Variants in MAN1C1 observed in about 807,000 individuals in gnomAD.
The protein encoded by MAN1C1 is mannosidase alpha class 1C member 1.
Under a neutral mutation model 71.5 loss-of-function variants are expected in MAN1C1, and 49 were observed. The observed-to-expected ratio is 0.69, with a 90% CI of 0.54 to 0.87. The LOEUF is 0.87. Among genes scored for constraint, MAN1C1 ranks in the 40% least tolerant of loss-of-function variants. MAN1C1 has a pLI of 0.00. For synonymous variants in MAN1C1, 352 were observed against 343.7 expected, an observed-to-expected ratio of 1.02 and a Z score of -0.27; for missense variants, 743 against 835.0, an observed-to-expected ratio of 0.89 and a Z score of 1.36.
At position 25,782,002 on chromosome 1, in the gene MAN1C1, G is replaced by A. The variant is rs745622254; in HGVS notation, c.1651-583G>A. On this transcript the variant is annotated intron_variant, in intron 10 of 11. Coordinates refer to ENST00000374332, the MANE Select transcript of MAN1C1 (RefSeq NM_020379.4). The surrounding 1 kb of genome is among the most constrained non-coding windows in gnomAD (Gnocchi z 4.4). ...AGGGGCTGAGGCAAGAGGATTGCTCGAACTGCAGAGGTTGAAGCTGCAGAG... is the reference window on the plus strand; with the variant it reads ...AGGGGCTGAGGCAAGAGGATTGCTCAAACTGCAGAGGTTGAAGCTGCAGAG... Among the ~76,000 whole-genome samples the A allele has an allele frequency of 3.3e-5, 5 of 152,118 alleles. No homozygotes were observed. The highest frequency in any genetic ancestry group is 5.9e-5 in the Non-Finnish European group (4 of 68,022).
At position 25,753,603 on chromosome 1, in the gene MAN1C1, T is replaced by G. The variant is rs2047246670; in HGVS notation, c.929+25T>G. On this transcript the variant is annotated intron_variant, in intron 5 of 11. Transcript: ENST00000374332. This position sits in a 1 kb window ranked among gnomAD's most constrained non-coding sequence, Gnocchi z 4.9. ...GGTAGGGCGCCATCGCGTTCCCCAC[T>G]GGGGCTTTACTGCGACCATGCCCAC... 4 of 1,602,780 alleles carry G rather than the reference T, an allele frequency of 2.5e-6. No homozygotes were observed. Among genetic ancestry groups the G allele is most frequent in the Non-Finnish European group, 3.4e-6 (4 of 1,171,112 alleles).
At chr1:25,774,479 C>A (rs1037428299) in intron 8 of MAN1C1, among the ~76,000 whole-genome samples, 1 of 152,184 alleles carries the variant, frequency 6.6e-6, no homozygotes, top group African/African-American at 2.4e-5. Flanking sequence ...CTCTACTTAC[C>A]AGCAGCCAAA....
chr1:25,721,690 T>A (rs1572174155), intron 2 of MAN1C1, among the ~76,000 whole-genome samples: 1 of 152,370 alleles, frequency 6.6e-6, no homozygotes, highest in East Asian at 1.9e-4. Context: ...ATTTTTCATT[T>A]ACAAGATGTG....
At chr1:25,705,549 A>G (rs2046509141) in intron 2 of MAN1C1, among the ~76,000 whole-genome samples, 1 of 152,226 alleles carries the variant, frequency 6.6e-6, no homozygotes, top group African/African-American at 2.4e-5. Context: ...TTGGGTCACT[A>G]ATCTTTACAC....
At chr1:25,766,246 A>G (rs903937343) in intron 7 of MAN1C1, among the ~76,000 whole-genome samples, 6 of 152,080 alleles carry the variant, frequency 3.9e-5, no homozygotes, top group Non-Finnish European at 7.4e-5. Flanking sequence ...CCTGCTAAAG[A>G]GCAGAGGGGG....
intron 1 of MAN1C1, among the ~76,000 whole-genome samples, chr1:25,670,352 C>A (rs533688757): frequency 2.6e-5 from 4 of 152,214 alleles, no homozygotes; most frequent in African/African-American, 9.6e-5. Flanking sequence ...TCTTTGTTTT[C>A]ACTTAAACCT....
intron 2 of MAN1C1, among the ~76,000 whole-genome samples, chr1:25,692,965 T>G (rs1317332331): frequency 1.3e-5 from 2 of 152,146 alleles, no homozygotes; most frequent in African/African-American, 4.8e-5. Context: ...TAAAAACATC[T>G]ACAGTTCACC....
intron 2 of MAN1C1, among the ~76,000 whole-genome samples, chr1:25,737,039 G>A (rs2982297): frequency 0.073 from 11,044 of 152,286 alleles, 1,335 homozygotes; most frequent in African/African-American, 0.25. Flanking sequence ...TGACTTTGGA[G>A]ATATCACTCC....
At chr1:25,752,106 C>G (rs576518546) in intron 4 of MAN1C1, among the ~76,000 whole-genome samples, 3 of 152,240 alleles carry the variant, frequency 2.0e-5, no homozygotes, top group East Asian at 3.9e-4. Context: ...CCAGTCCTAC[C>G]GAGAGCCAGT....
chr1:25,687,098 A>G (rs1283699515), intron 2 of MAN1C1, among the ~76,000 whole-genome samples: 1 of 152,122 alleles, frequency 6.6e-6, no homozygotes, highest in Non-Finnish European at 1.5e-5. Context: ...CAGCATATTG[A>G]GACCCCATTT....
At position 25,776,997 on chromosome 1, in the gene MAN1C1, C is replaced by T. The variant is rs566755782; in HGVS notation, c.1258-1108C>T. Among the ~76,000 whole-genome samples, 8 of 152,288 alleles carry T rather than the reference C, an allele frequency of 5.3e-5. No homozygotes were observed. The highest frequency in any genetic ancestry group is 1.2e-4 in the African/African-American group (5 of 41,552). On this transcript the variant is annotated intron_variant, in intron 8 of 11. Transcript: ENST00000374332. The surrounding 1 kb of genome is among the most constrained non-coding windows in gnomAD (Gnocchi z 4.3). ...CTGCCCAGTGTCACACAGCGTGGAA[C>T]TGGTGGAGATGAAATTTGAACCTGA...
At chr1:25,663,227 TATG>T (rs1420498129) in intron 1 of MAN1C1, among the ~76,000 whole-genome samples, 2 of 149,136 alleles carry the variant, frequency 1.3e-5, no homozygotes, top group African/African-American at 2.5e-5. Flanking sequence ...AAATAAATAA[TATG>T]ATCTCCATAG....
At chr1:25,708,733 A>G (rs981443855) in intron 2 of MAN1C1, among the ~76,000 whole-genome samples, 7 of 152,116 alleles carry the variant, frequency 4.6e-5, no homozygotes, top group Non-Finnish European at 7.4e-5. Context: ...GAAAATACAA[A>G]AATTAGTTGG....
chr1:25,746,818 G>A lies in MAN1C1; in HGVS notation c.753+35G>A, dbSNP rs1375729467. On this transcript the variant is annotated intron_variant, in intron 3 of 11. Transcript: ENST00000374332. The surrounding 1 kb of genome is among the most constrained non-coding windows in gnomAD (Gnocchi z 4.0). ...AGGCCCTCGGCGGGGGAGGGGGGCGGGGGCCAGAAGAGGCCCAACAGCCAG... is the reference window on the plus strand; with the variant it reads ...AGGCCCTCGGCGGGGGAGGGGGGCGAGGGCCAGAAGAGGCCCAACAGCCAG... The A allele has an allele frequency of 1.2e-6, 1 of 864,216 alleles. No homozygotes were observed. Among genetic ancestry groups the A allele is most frequent in the Non-Finnish European group, 1.8e-6 (1 of 548,338 alleles). The allele number at this position is 864,216 out of a possible 1,614,324, so 53.5% of individuals were successfully genotyped here.
chr1:25,716,164 G>A (rs1427800846), intron 2 of MAN1C1, among the ~76,000 whole-genome samples: 3 of 152,228 alleles, frequency 2.0e-5, no homozygotes, highest in Non-Finnish European at 2.9e-5. Flanking sequence ...AGCTGGAAGG[G>A]AGGCTGGGAA....
intron 2 of MAN1C1, among the ~76,000 whole-genome samples, chr1:25,723,172 C>T (rs1486714547): frequency 6.6e-6 from 1 of 152,194 alleles, no homozygotes; most frequent in Non-Finnish European, 1.5e-5. Context: ...TCTTCACTTA[C>T]CGCCTCTGCT....
chr1:25,762,147 G>A (rs1469846591), intron 6 of MAN1C1, among the ~76,000 whole-genome samples: 1 of 117,912 alleles, frequency 8.5e-6, no homozygotes, highest in African/African-American at 3.4e-5. Flanking sequence ...TTTTTTTTGA[G>A]GCAGAGTCTC....
At chr1:25,664,629 G>A (rs777378039) in intron 1 of MAN1C1, among the ~76,000 whole-genome samples, 25 of 152,196 alleles carry the variant, frequency 1.6e-4, no homozygotes, top group Non-Finnish European at 2.9e-4. Flanking sequence ...AAATGTTCTC[G>A]GACATACAGG....
chr1:25,779,480 G>A lies in MAN1C1; in HGVS notation c.1477+1156G>A, dbSNP rs1181925011. Among the ~76,000 whole-genome samples, 1 of 152,174 alleles carries A rather than the reference G, an allele frequency of 6.6e-6. No individual in the cohort carries two copies. Among genetic ancestry groups the A allele is most frequent in the Non-Finnish European group, 1.5e-5 (1 of 68,040 alleles). On this transcript the variant is annotated intron_variant, in intron 9 of 11. Transcript: ENST00000374332. The surrounding 1 kb of genome is among the most constrained non-coding windows in gnomAD (Gnocchi z 4.6). ...AGATTCGCAATGGGTCTTTAAAACT[G>A]GTTGTCCATTCTCTTCAAAGAGCTT...
Sources: allele counts gnomAD v4.1 joint callset (sites outside exome capture counted in the v4.1 genomes callset), GRCh38; gene constraint gnomAD v4.1.1; non-coding constraint Gnocchi (gnomAD v3.1); transcripts MANE v1.5; gene names NCBI Gene and HGNC (gene_info 2026-07-23, HGNC 2026-07-21).